Variants in ADK observed in about 807,000 individuals in gnomAD.
ADK encodes the protein adenosine kinase.
ADK carries 24 observed loss-of-function variants against 44.7 expected under a neutral mutation model. That is an observed-to-expected ratio of 0.54 (90% CI 0.39 to 0.76). The LOEUF (loss-of-function observed/expected upper bound fraction) is 0.76. ADK is among the 30% of genes least tolerant of loss of function. The pLI is 0.00. For missense variants in ADK, 321 were observed against 425.1 expected (o/e 0.76, Z 2.15); for synonymous variants, 128 against 142.6 (o/e 0.90, Z 0.73).
At chr10:74,423,285 G>A (rs1442087112) in intron 6 of ADK, 1 of 153,212 alleles carries the variant, frequency 6.5e-6, no homozygotes, top group Admixed American at 6.5e-5. Context: ...TCTGGCCTGT[G>A]ATCAAAATTA....
chr10:74,588,424 T>G (rs1851600885), intron 7 of ADK, among the ~76,000 whole-genome samples: 2 of 152,222 alleles, frequency 1.3e-5, no homozygotes, highest in Admixed American at 1.3e-4. Context: ...TTAAAAACAT[T>G]AAGCTAGTTG....
intron 9 of ADK, among the ~76,000 whole-genome samples, chr10:74,624,832 G>A (rs192779699): frequency 6.6e-6 from 1 of 151,988 alleles, no homozygotes; most frequent in African/African-American, 2.4e-5. Flanking sequence ...TTGGTAAAAT[G>A]AATTTGTGTA....
chr10:74,671,967 T>C (rs748294485), intron 10 of ADK, among the ~76,000 whole-genome samples: 6 of 152,104 alleles, frequency 3.9e-5, no homozygotes, highest in African/African-American at 7.2e-5. Flanking sequence ...GGTGAGAACA[T>C]GTAGACTTTT....
chr10:74,477,740 C>T (rs7100550), intron 6 of ADK, among the ~76,000 whole-genome samples: 91,320 of 151,934 alleles, frequency 0.6, 30,165 homozygotes, highest in Middle Eastern at 0.78. Context: ...TATTTGTTCC[C>T]GAGATTTATA....
chr10:74,635,774 T>C (rs1172713068), intron 9 of ADK, among the ~76,000 whole-genome samples: 1 of 152,030 alleles, frequency 6.6e-6, no homozygotes, highest in African/African-American at 2.4e-5. Flanking sequence ...TCTGTATGTG[T>C]CATACCTCAA....
chr10:74,587,689 T>C (rs970129290), intron 7 of ADK, among the ~76,000 whole-genome samples: 2 of 152,128 alleles, frequency 1.3e-5, no homozygotes, highest in African/African-American at 4.8e-5. Context: ...AAAGATAATT[T>C]TGGAAGAATG....
chr10:74,316,639 G>A (rs1288109612), intron 4 of ADK, among the ~76,000 whole-genome samples: 2 of 152,172 alleles, frequency 1.3e-5, no homozygotes, highest in African/African-American at 4.8e-5. Flanking sequence ...CAGACATGCT[G>A]AACTGTGAGT....
intron 6 of ADK, among the ~76,000 whole-genome samples, chr10:74,405,716 C>T (rs755818185): frequency 2.6e-5 from 4 of 152,010 alleles, no homozygotes; most frequent in Non-Finnish European, 4.4e-5. Flanking sequence ...CCTACCCGTC[C>T]GTGGAAAAAT....
intron 4 of ADK, among the ~76,000 whole-genome samples, chr10:74,375,579 G>C (rs1842790798): frequency 6.6e-6 from 1 of 152,126 alleles, no homozygotes; most frequent in African/African-American, 2.4e-5. Flanking sequence ...TTTACACTTG[G>C]CTGATAGGCA....
intron 8 of ADK, among the ~76,000 whole-genome samples, chr10:74,598,441 CTTTTTTT>C (rs915433699): frequency 5.1e-4 from 57 of 111,772 alleles, no homozygotes; most frequent in Non-Finnish European, 8.7e-4. Flanking sequence ...AATCTTATTC[CTTTTTTT>C]TTTTTTTTTT....
At chr10:74,557,952 G>A (rs1465864825) in intron 7 of ADK, among the ~76,000 whole-genome samples, 1 of 152,152 alleles carries the variant, frequency 6.6e-6, no homozygotes, top group Non-Finnish European at 1.5e-5. Flanking sequence ...CCTTAACATA[G>A]GTTAGTTAGG....
intron 2 of ADK, among the ~76,000 whole-genome samples, chr10:74,221,156 A>G (rs543378363): frequency 2.0e-5 from 3 of 151,332 alleles, no homozygotes; most frequent in African/African-American, 7.3e-5. Flanking sequence ...TAAGCTGATA[A>G]GCAACTTCAG....
intron 6 of ADK, among the ~76,000 whole-genome samples, chr10:74,426,866 A>G (rs866410181): frequency 6.0e-4 from 91 of 152,150 alleles, no homozygotes; most frequent in African/African-American, 2.0e-3. Context: ...ATAGGTATAC[A>G]TGTGCCATGG....
intron 1 of ADK, among the ~76,000 whole-genome samples, chr10:74,165,137 C>T (rs964575795): frequency 2.0e-5 from 3 of 152,090 alleles, no homozygotes; most frequent in Non-Finnish European, 2.9e-5. Context: ...TGCAAGACAT[C>T]GAGTTGGGGT....
chr10:74,548,404 A>G (rs1208443787), intron 7 of ADK, among the ~76,000 whole-genome samples: 3 of 152,216 alleles, frequency 2.0e-5, no homozygotes, highest in African/African-American at 7.2e-5. Context: ...GGAAAAGGGG[A>G]AAATTGCCAG....
At chr10:74,662,962 C>T (rs913151308) in intron 9 of ADK, among the ~76,000 whole-genome samples, 1 of 152,054 alleles carries the variant, frequency 6.6e-6, no homozygotes, top group Non-Finnish European at 1.5e-5. Context: ...GGCATGGTAG[C>T]GCATGCCTGT....
At chr10:74,301,350 T>C (rs929409864) in intron 3 of ADK, among the ~76,000 whole-genome samples, 3 of 151,670 alleles carry the variant, frequency 2.0e-5, no homozygotes, top group Non-Finnish European at 2.9e-5. Flanking sequence ...CCATCTCTAC[T>C]AAAAATACAA....
chr10:74,574,549 A>G (rs1353398839), intron 7 of ADK, among the ~76,000 whole-genome samples: 1 of 152,196 alleles, frequency 6.6e-6, no homozygotes, highest in Non-Finnish European at 1.5e-5. Context: ...TCCAGTATCT[A>G]CCAGTAATGT....
At chr10:74,699,545 T>C (rs1856341383) in intron 10 of ADK, among the ~76,000 whole-genome samples, 4 of 152,082 alleles carry the variant, frequency 2.6e-5, no homozygotes, top group African/African-American at 7.2e-5. Flanking sequence ...GGTATAGTGG[T>C]GCATACCTGT....
Sources: allele counts gnomAD v4.1 joint callset (sites outside exome capture counted in the v4.1 genomes callset), GRCh38; gene constraint gnomAD v4.1.1; transcripts MANE v1.5; gene names NCBI Gene and HGNC (gene_info 2026-07-23, HGNC 2026-07-21).